The following HNF4G variants were observed in gnomAD, a reference collection of about 807,000 sequenced individuals.
HNF4G encodes the protein hepatocyte nuclear factor 4-gamma.
In HNF4G, 21 loss-of-function variants were observed where a neutral mutation model predicts 50.9. The ratio of observed to expected loss-of-function variants is 0.41; its 90% CI spans 0.29 to 0.59. The LOEUF is 0.59. Among genes scored for constraint, HNF4G ranks in the 20% least tolerant of loss-of-function variants. The probability of loss-of-function intolerance (pLI) is 0.26; values close to 1 mark genes in which losing one functional copy is unlikely to be tolerated. For missense variants in HNF4G, 527 were observed against 559.4 expected, an observed-to-expected ratio of 0.94 and a Z score of 0.58; for synonymous variants, 198 against 185.6, an observed-to-expected ratio of 1.07 and a Z score of -0.54.
intron 1 of HNF4G, among the ~76,000 whole-genome samples, chr8:75,481,595 G>A (rs1022064579): frequency 1.3e-5 from 2 of 152,140 alleles, no homozygotes; most frequent in African/African-American, 4.8e-5. Flanking sequence ...TGATAAGCAC[G>A]AGTAGGGCGA....
chr8:75,522,905 A>G (rs1040049561), intron 2 of HNF4G, among the ~76,000 whole-genome samples: 8 of 152,140 alleles, frequency 5.3e-5, no homozygotes, highest in African/African-American at 1.9e-4. Flanking sequence ...AGATGGCATC[A>G]AAGAAACAAA....
intron 1 of HNF4G, among the ~76,000 whole-genome samples, chr8:75,426,921 G>A (rs1224791045): frequency 5.3e-5 from 8 of 152,152 alleles, no homozygotes; most frequent in Non-Finnish European, 1.0e-4. Context: ...GATGGGGTTA[G>A]GGATAAATAC....
rs370010143 is a variant in HNF4G at position 75,440,132 on chromosome 8, T to C, written c.-144+31970T>C. ...TTTTACAAATCCATAGCTGGTTGTT[T>C]CTAGTCATCAATGACATTGAGAAAA... On this transcript the variant is annotated intron_variant, in intron 1 of 10. Coordinates refer to the HNF4G transcript ENST00000354370. Among the ~76,000 whole-genome samples, 5 of 152,326 alleles carry C rather than the reference T, an allele frequency of 3.3e-5. No individual in the cohort carries two copies. The East Asian group carries it at 5.8e-4, about 18-fold the overall frequency.
At chr8:75,515,320 A>C (rs1468396169) in intron 2 of HNF4G, among the ~76,000 whole-genome samples, 1 of 152,146 alleles carries the variant, frequency 6.6e-6, no homozygotes, top group Non-Finnish European at 1.5e-5. Context: ...TAGTTTATTG[A>C]TTTGAGAGTT....
At chr8:75,449,238 C>G (rs1323810708) in intron 1 of HNF4G, among the ~76,000 whole-genome samples, 1 of 152,086 alleles carries the variant, frequency 6.6e-6, no homozygotes, top group Admixed American at 6.6e-5. Flanking sequence ...TGTAAAGAGA[C>G]AGATTATAAA....
At chr8:75,470,601 A>T (rs767512273) in intron 1 of HNF4G, among the ~76,000 whole-genome samples, 1 of 152,210 alleles carries the variant, frequency 6.6e-6, no homozygotes, top group Non-Finnish European at 1.5e-5. Context: ...ATATTTTATT[A>T]AGTCCGAAAT....
At chr8:75,561,055 G>A (rs534382460) in intron 9 of HNF4G, among the ~76,000 whole-genome samples, 1 of 151,436 alleles carries the variant, frequency 6.6e-6, no homozygotes, top group South Asian at 2.1e-4. Flanking sequence ...CTTACATTAG[G>A]AAGTGAGGAT....
At chr8:75,514,504 C>CA (rs1805843521) in intron 2 of HNF4G, among the ~76,000 whole-genome samples, 1 of 151,502 alleles carries the variant, frequency 6.6e-6, no homozygotes. Context: ...AGGTGTGTGC[C>CA]ACCACACCTG....
chr8:75,543,079 C>T (rs1348457272), intron 1 of HNF4G, among the ~76,000 whole-genome samples: 2 of 151,992 alleles, frequency 1.3e-5, no homozygotes, highest in African/African-American at 2.4e-5. Context: ...TGGTGACACA[C>T]GTCTGTAATC....
At chr8:75,412,763 G>C (rs1810531847) in intron 1 of HNF4G, among the ~76,000 whole-genome samples, 1 of 151,836 alleles carries the variant, frequency 6.6e-6, no homozygotes, top group Non-Finnish European at 1.5e-5. Context: ...ATAGTTACAG[G>C]TTCCAAATAA....
At chr8:75,454,860 G>C (rs1050969369) in intron 1 of HNF4G, among the ~76,000 whole-genome samples, 4 of 152,138 alleles carry the variant, frequency 2.6e-5, no homozygotes, top group South Asian at 4.1e-4. Context: ...GCTGAGAAGA[G>C]TACCTAGCCT....
intron 1 of HNF4G, among the ~76,000 whole-genome samples, chr8:75,441,332 G>A (rs1325394929): frequency 4.7e-5 from 7 of 150,042 alleles, no homozygotes; most frequent in African/African-American, 7.4e-5. Flanking sequence ...TGCAACCTCC[G>A]TCTCCCAGGC....
At chr8:75,467,612 A>T (rs1032464074) in intron 1 of HNF4G, among the ~76,000 whole-genome samples, 59 of 151,580 alleles carry the variant, frequency 3.9e-4, no homozygotes, top group African/African-American at 1.3e-3. Context: ...GTGAGTGGAG[A>T]TCGTGCCAGT....
chr8:75,412,611 C>A (rs948337204), intron 1 of HNF4G, among the ~76,000 whole-genome samples: 1 of 152,086 alleles, frequency 6.6e-6, no homozygotes, highest in African/African-American at 2.4e-5. Flanking sequence ...CTGGATCTGA[C>A]AATTTAATGT....
chr8:75,546,275 T>C (rs1806775046), intron 2 of HNF4G, among the ~76,000 whole-genome samples: 1 of 152,162 alleles, frequency 6.6e-6, no homozygotes, highest in Admixed American at 6.5e-5. Context: ...CTCTTTATTT[T>C]ACAATTGTAA....
At chr8:75,492,779 C>A (rs1563527690) in intron 2 of HNF4G, among the ~76,000 whole-genome samples, 1 of 152,018 alleles carries the variant, frequency 6.6e-6, no homozygotes, top group Non-Finnish European at 1.5e-5. Context: ...AGAAACCACT[C>A]AAGGAAGGCC....
At chr8:75,497,646 C>A (rs13264948) in intron 2 of HNF4G, among the ~76,000 whole-genome samples, 1 of 151,336 alleles carries the variant, frequency 6.6e-6, no homozygotes, top group African/African-American at 2.4e-5. Flanking sequence ...ATCATGCCAC[C>A]GCACTCCAGC....
In HNF4G at chr8:75,558,615, C is replaced by T. The variant is rs1484354674; in HGVS notation, c.831C>T (p.Ile277=). The change falls in exon 7 of 10, where the codon ATC becomes ATT. Residue 277 remains isoleucine, a synonymous_variant. Transcript: ENST00000396423. ...AGCTGGTTAGACCATTTCAAGAAAT[C>T]CAGATTGATGACAATGAGTATGCTT... ...LDELVRPFQE[I]QIDDNEYACL... 1.2e-6 allele frequency: 2 copies of T among 1,613,822 alleles called. No homozygotes were observed. The highest frequency in any genetic ancestry group is 2.7e-5 in the African/African-American group (2 of 74,880).
At position 75,547,599 on chromosome 8, in the gene HNF4G, A is replaced by G. The variant is rs1204202653; in HGVS notation, c.300A>G (p.Gln100=). The stretch of plus-strand genomic sequence containing the variant: ...CTTTATGTTATAGGTTCAGTCGGCA[A>G]TGTGTTGTTGACAAGGACAAAAGGA... ...SHVYSCRFSR[Q]CVVDKDKRNQ... Residue 100 remains glutamine (Q), a synonymous_variant, in exon 3 of 10, where the codon CAA becomes CAG. Coordinates refer to ENST00000396423, the MANE Select transcript of HNF4G (RefSeq NM_004133.5). The G allele has an allele frequency of 6.2e-7, 1 of 1,609,226 alleles. No homozygotes were observed. Among genetic ancestry groups the G allele is most frequent in the Non-Finnish European group, 8.5e-7 (1 of 1,175,708 alleles).
Sources: allele counts gnomAD v4.1 joint callset (sites outside exome capture counted in the v4.1 genomes callset), GRCh38; gene constraint gnomAD v4.1.1; transcripts MANE v1.5; gene names NCBI Gene and HGNC (gene_info 2026-07-23, HGNC 2026-07-21).